Variants in ANK1 observed in about 807,000 individuals in gnomAD.
ANK1 encodes the protein ankyrin-1.
In ANK1, 51 loss-of-function variants were observed where a neutral mutation model predicts 210.4. The ratio of observed to expected loss-of-function variants is 0.24; its 90% confidence interval spans 0.19 to 0.31. The LOEUF (loss-of-function observed/expected upper bound fraction) is 0.31, where lower values mean the gene tolerates loss of function less well. ANK1 is among the 10% of genes least tolerant of loss of function. The pLI is 1.00. For missense variants in ANK1, 2,051 were observed against 2,504.4 expected (o/e 0.82, Z 3.86); for synonymous variants, 967 against 1,025.9 (o/e 0.94, Z 1.10).
chr8:41,725,024 T>TA (rs1417342413), intron 6 of ANK1, among the ~76,000 whole-genome samples: 3 of 152,152 alleles, frequency 2.0e-5, no homozygotes, highest in Non-Finnish European at 4.4e-5. Flanking sequence ...CATGCCCAGC[T>TA]AATTTTAAAA....
chr8:41,858,870 G>A (rs1217448428), intron 1 of ANK1, among the ~76,000 whole-genome samples: 2 of 152,240 alleles, frequency 1.3e-5, no homozygotes, highest in Admixed American at 1.3e-4. Flanking sequence ...ACCTGTGTTT[G>A]GAATGGGGCT....
chr8:41,874,638 G>A (rs1587557598), intron 1 of ANK1, among the ~76,000 whole-genome samples: 1 of 152,186 alleles, frequency 6.6e-6, no homozygotes, highest in African/African-American at 2.4e-5. Flanking sequence ...GGAGGTGACC[G>A]GAGTCCTTGT....
At chr8:41,857,330 G>A (rs1010482953) in intron 1 of ANK1, among the ~76,000 whole-genome samples, 10 of 151,538 alleles carry the variant, frequency 6.6e-5, no homozygotes, top group East Asian at 3.9e-4. Context: ...GGGCGCGGTG[G>A]CTCATGCCTA....
chr8:41,740,140 G>GT (rs1239316897), intron 2 of ANK1, among the ~76,000 whole-genome samples: 8 of 141,288 alleles, frequency 5.7e-5, no homozygotes, highest in South Asian at 2.4e-4. Context: ...ACCCCTGCTT[G>GT]TTTTTTTTGT....
At chr8:41,806,425 G>A (rs886983861) in intron 1 of ANK1, among the ~76,000 whole-genome samples, 2 of 152,132 alleles carry the variant, frequency 1.3e-5, no homozygotes, top group African/African-American at 4.8e-5. Flanking sequence ...TAATATAAAA[G>A]CAGCACAGGC....
chr8:41,881,846 G>A lies in ANK1; in HGVS notation c.126+14509C>T, dbSNP rs546115128. ...CGCACCTGCCTGGCTTGTGAGGGCC[G>A]AGTGGGCTTGAGTGGGGAGCATAGC... is the stretch of plus-strand genomic sequence containing the variant. On this transcript the variant is annotated intron_variant, in intron 1 of 42. Transcript: ENST00000265709. Among the ~76,000 whole-genome samples, 5 of 152,282 alleles carry A rather than the reference G, an allele frequency of 3.3e-5. No individual in the cohort carries two copies. In the East Asian group the frequency reaches 5.8e-4, roughly 18 times the overall value.
chr8:41,693,002 C>T, intron 30 of ANK1, 103 bp downstream of exon 30: 2 of 1,515,778 alleles, frequency 1.3e-6, no homozygotes, highest in African/African-American at 2.7e-5. Flanking sequence ...CGGAGGCTTC[C>T]ACATGGAGGG....
At chr8:41,864,415 C>T (rs1813926804) in intron 1 of ANK1, among the ~76,000 whole-genome samples, 1 of 152,134 alleles carries the variant, frequency 6.6e-6, no homozygotes, top group African/African-American at 2.4e-5. Flanking sequence ...ATCCCCTGAG[C>T]AGAGGCGAGC....
intron 39 of ANK1, chr8:41,665,006 G>A: frequency 1.2e-6 from 2 of 1,613,898 alleles, no homozygotes; most frequent in African/African-American, 1.3e-5. Flanking sequence ...CCAACAGCTG[G>A]GTGACGAAAG....
chr8:41,764,727 A>T (rs1841365699), intron 1 of ANK1, among the ~76,000 whole-genome samples: 1 of 152,148 alleles, frequency 6.6e-6, no homozygotes, highest in Non-Finnish European at 1.5e-5. Flanking sequence ...GTGTTCGGGG[A>T]TCTGCACACA....
At chr8:41,846,899 C>G (rs1204772302) in intron 1 of ANK1, among the ~76,000 whole-genome samples, 1 of 152,182 alleles carries the variant, frequency 6.6e-6, no homozygotes, top group Admixed American at 6.5e-5. Context: ...GGCCCGGGAG[C>G]CTGAAGAAAG....
chr8:41,744,346 A>G (rs1475525736), intron 2 of ANK1, among the ~76,000 whole-genome samples: 1 of 152,212 alleles, frequency 6.6e-6, no homozygotes, highest in East Asian at 1.9e-4. Context: ...AGTAGCTGAT[A>G]CAGGCAGATG....
upstream of ANK1, among the ~76,000 whole-genome samples, chr8:41,798,848 C>T (rs1010347522): frequency 6.6e-6 from 1 of 152,172 alleles, no homozygotes; most frequent in African/African-American, 2.4e-5. Flanking sequence ...TCCTGCTGGG[C>T]CCACGCTGGT....
chr8:41,848,995 AG>A (rs1454173078), intron 1 of ANK1, among the ~76,000 whole-genome samples: 1 of 152,190 alleles, frequency 6.6e-6, no homozygotes, highest in Non-Finnish European at 1.5e-5. Context: ...GTCCACCTGG[AG>A]CATTATTGAT....
At position 41,694,096 on chromosome 8, in the gene ANK1, G is replaced by C. The variant is rs771413202; in HGVS notation, c.3334C>G (p.Pro1112Ala). Residue 1112 changes from proline to alanine, a missense_variant, in exon 29 of 43, where the codon CCT becomes GCT. Pro to Ala is a conservative substitution (Grantham distance 27). This residue lies in a region of ANK1 where 1,413 missense variants were observed against 1,707.4 expected (regional missense o/e 0.83). Coordinates refer to ENST00000289734, the MANE Select transcript of ANK1 (RefSeq NM_000037.4). This position sits in a 1 kb window ranked among gnomAD's most constrained non-coding sequence, Gnocchi z 5.7. ...KRVKLALQAQ[P>A]VPDELVTKLL... ...TTAGTGACAAGCTCATCCGGGACAG[G>C]CTGGGCCTGTGAAATGACAGAGGCA... The C allele has an allele frequency of 6.2e-7, 1 of 1,613,778 alleles. No individual in the cohort carries two copies.
At chr8:41,727,197 G>A in intron 5 of ANK1, 53 bp downstream of exon 5, 1 of 1,442,076 alleles carries the variant, frequency 6.9e-7, no homozygotes, top group East Asian at 2.3e-5. Flanking sequence ...CTGAAGCAAG[G>A]TTGTACACCT....
chr8:41,713,072 T>C (rs1054718600), intron 16 of ANK1, among the ~76,000 whole-genome samples: 1 of 152,228 alleles, frequency 6.6e-6, no homozygotes, highest in Admixed American at 6.5e-5. Flanking sequence ...GCCGAAGCCC[T>C]GCACTGGCAC....
chr8:41,793,406 A>T (rs953682185), intron 1 of ANK1, among the ~76,000 whole-genome samples: 1 of 152,170 alleles, frequency 6.6e-6, no homozygotes, highest in Non-Finnish European at 1.5e-5. Flanking sequence ...AAAAAAAATA[A>T]ATACAACAGT....
intron 1 of ANK1, among the ~76,000 whole-genome samples, chr8:41,863,397 C>A (rs1202750103): frequency 6.6e-6 from 1 of 152,010 alleles, no homozygotes; most frequent in African/African-American, 2.4e-5. Context: ...TAAGGAAATT[C>A]ATTTTCATTA....
Sources: gnomAD v4.1 joint callset for allele counts (sites outside exome capture counted in the v4.1 genomes callset) on GRCh38, gnomAD v4.1.1 for gene constraint, gnomAD v4.1.1 regional missense constraint, Gnocchi (gnomAD v3.1) non-coding constraint, MANE v1.5 for transcripts, NCBI Gene and HGNC (gene_info 2026-07-23, HGNC 2026-07-21) for gene names.